CCDC150: variants seen among roughly 807,000 people sequenced by gnomAD.
The protein encoded by CCDC150 is coiled-coil domain-containing protein 150.
Under a neutral mutation model 156.5 loss-of-function variants are expected in CCDC150, and 151 were observed. The observed-to-expected ratio is 0.97, with a 90% CI of 0.85 to 1.10. The LOEUF is 1.10. Ranked by LOEUF, CCDC150 falls within the 50% of genes least tolerant of loss-of-function variation. The probability of loss-of-function intolerance (pLI) is 0.00; values close to 1 mark genes in which losing one functional copy is unlikely to be tolerated. For synonymous variants in CCDC150, 452 were observed against 429.4 expected (o/e 1.05, Z -0.65); for missense variants, 1,312 against 1,268.1 (o/e 1.03, Z -0.53).
rs759595694 is a variant in CCDC150 at position 196,732,535 on chromosome 2, G to C, written c.3279G>C (p.Lys1093Asn). ...RKQNLRPMPK[K>N]YHSEVQRK is the part of the protein sequence containing the mutation. ...AGAATCTTAGGCCCATGCCCAAGAA[G>C]TATCATTCTGAGGTACAGAGGAAGT... The change falls in exon 28 of 28, where the codon AAG becomes AAC. Residue 1093 changes from lysine to asparagine, a missense_variant. Physicochemically the swap from Lys to Asn is moderately conservative, Grantham distance 94. Coordinates refer to ENST00000389175, the MANE Select transcript of CCDC150 (RefSeq NM_001080539.2). 3 of 1,612,002 alleles carry C rather than the reference G, an allele frequency of 1.9e-6. No individual in the cohort carries two copies. The highest frequency in any genetic ancestry group is 3.3e-5 in the Admixed American group (2 of 60,022).
chr2:196,728,599 C>T (rs1011525424), intron 22 of CCDC150, among the ~76,000 whole-genome samples: 3 of 151,880 alleles, frequency 2.0e-5, no homozygotes, highest in Admixed American at 6.6e-5. Context: ...TCCTTAAGAA[C>T]AAAAAGCAAA....
At position 196,695,163 on chromosome 2, in the gene CCDC150, G is replaced by C. The variant is rs201319317; in HGVS notation, c.1623+4G>C. ...AGTCACTTCTGATTACCATGGGGTG[G>C]GTATAAAAAGATCAGTCTAAATAGC... On this transcript the variant is annotated splice_donor_region_variant and intron_variant, in intron 14 of 27. Transcript: ENST00000389175. 9.8e-6 allele frequency: 15 copies of C among 1,525,936 alleles called. No individual in the cohort carries two copies. The East Asian group carries it at 1.8e-4, about 18-fold the overall frequency. The allele number at this position is 1,525,936 out of a possible 1,614,324, so 94.5% of individuals were successfully genotyped here.
Position 196,643,578 on chromosome 2 carries a change from T to A in CCDC150, c.13-2763T>A, listed in dbSNP as rs78222283. Among the ~76,000 whole-genome samples, 7 of 152,152 alleles carry A rather than the reference T, an allele frequency of 4.6e-5. No individual in the cohort carries two copies. The East Asian group carries it at 1.3e-3, about 29-fold the overall frequency. ...ACATTTGAACAATTACATGAAAAAA[T>A]TTTAGTTGGGAATCTGCATCCTATT... On this transcript the variant is annotated intron_variant, in intron 1 of 27. Transcript: ENST00000389175.
chr2:196,686,723 T>C (rs1695150072), intron 13 of CCDC150, among the ~76,000 whole-genome samples: 1 of 152,060 alleles, frequency 6.6e-6, no homozygotes, highest in Non-Finnish European at 1.5e-5. Context: ...GATTATTTCA[T>C]CACCCAGATA....
At chr2:196,710,243 C>T (rs894203069) in intron 15 of CCDC150, among the ~76,000 whole-genome samples, 6 of 152,192 alleles carry the variant, frequency 3.9e-5, no homozygotes, top group African/African-American at 1.4e-4. Flanking sequence ...CCATGCCAGG[C>T]TGCTGCCTCA....
intron 5 of CCDC150, among the ~76,000 whole-genome samples, chr2:196,663,297 A>G (rs767685327): frequency 9.8e-5 from 15 of 152,294 alleles, no homozygotes; most frequent in Middle Eastern, 3.4e-3. Flanking sequence ...AATGGACAAA[A>G]GATAAGTATG....
At chr2:196,657,575 A>C (rs767971502) in intron 4 of CCDC150, 1 of 165,816 alleles carries the variant, frequency 6.0e-6, no homozygotes, top group African/African-American at 2.4e-5. Flanking sequence ...AGGATGCTCT[A>C]TCTAGAATAG....
At chr2:196,639,924 T>G (rs1239412236) in intron 1 of CCDC150, 146 bp downstream of exon 1, 2 of 719,248 alleles carry the variant, frequency 2.8e-6, no homozygotes, top group African/African-American at 3.6e-5. Flanking sequence ...GGCCCTGATT[T>G]AAGGCGCTTT....
At chr2:196,669,006 T>C (rs1201468207) in intron 7 of CCDC150, among the ~76,000 whole-genome samples, 1 of 152,234 alleles carries the variant, frequency 6.6e-6, no homozygotes, top group South Asian at 2.1e-4. Flanking sequence ...TGAATTTTTC[T>C]GTGAAGGCAA....
chr2:196,713,010 G>T (rs921442192), intron 17 of CCDC150: 7 of 497,042 alleles, frequency 1.4e-5, no homozygotes, highest in Non-Finnish European at 2.5e-5. Flanking sequence ...TGATATTTGT[G>T]TATCTATACC....
chr2:196,730,077 G>A lies in CCDC150; in HGVS notation c.2941G>A (p.Ala981Thr), dbSNP rs1018035963. 3.1e-6 allele frequency: 5 copies of A among 1,612,514 alleles called. No homozygotes were observed. Among genetic ancestry groups the A allele is most frequent in the Non-Finnish European group, 4.2e-6 (5 of 1,179,404 alleles). The change falls in exon 25 of 28, where the codon GCA becomes ACA. Residue 981 changes from alanine to threonine, a missense_variant. Ala to Thr is a moderately conservative substitution (Grantham distance 58). Coordinates refer to ENST00000389175, the MANE Select transcript of CCDC150 (RefSeq NM_001080539.2). ...RNKQQELHLE[A>T]ERKIRQELEN... is the part of the protein sequence containing the mutation. ...TAAACAGCAAGAGCTGCACCTAGAA[G>A]CAGAGCGGAAAATAAGGCAGGAGCT...
intron 2 of CCDC150, among the ~76,000 whole-genome samples, chr2:196,650,614 A>T (rs572597897): frequency 6.6e-6 from 1 of 152,258 alleles, no homozygotes; most frequent in African/African-American, 2.4e-5. Context: ...GGCTGATCTC[A>T]AACTCCTGAC....
intron 17 of CCDC150, chr2:196,713,737 T>C (rs1456626868): frequency 1.5e-6 from 2 of 1,377,052 alleles, no homozygotes; most frequent in African/African-American, 2.9e-5. Flanking sequence ...TATACAAGAA[T>C]GAAATATTAA....
intron 13 of CCDC150, among the ~76,000 whole-genome samples, chr2:196,694,026 T>A (rs1362503003): frequency 2.6e-5 from 4 of 151,618 alleles, no homozygotes; most frequent in Admixed American, 2.6e-4. Flanking sequence ...TATTGCTGGG[T>A]TCATTTTGCT....
chr2:196,675,810 T>C (rs1694460517), intron 10 of CCDC150, among the ~76,000 whole-genome samples: 1 of 152,162 alleles, frequency 6.6e-6, no homozygotes, highest in Non-Finnish European at 1.5e-5. Flanking sequence ...AGTACCATAT[T>C]GAAATTTTAA....
Position 196,701,100 on chromosome 2 carries a change from C to T in CCDC150, c.1624-9C>T. The T allele has an allele frequency of 6.2e-7, 1 of 1,600,080 alleles. No individual in the cohort carries two copies. The highest frequency in any genetic ancestry group is 1.1e-5 in the South Asian group (1 of 88,140). ...CTAGAGGTTCTGATGCCTTTGTTTG[C>T]CTTATCAGCTTGCCCAACAGAAGGT... On this transcript the variant is annotated splice_polypyrimidine_tract_variant and intron_variant, in intron 14 of 27. Coordinates refer to ENST00000389175, the MANE Select transcript of CCDC150 (RefSeq NM_001080539.2).
intron 22 of CCDC150, chr2:196,727,108 G>A (rs559442023): frequency 1.3e-5 from 2 of 152,050 alleles, no homozygotes; most frequent in African/African-American, 2.4e-5. Context: ...CATTTTAATA[G>A]AAAAAAAATC....
At chr2:196,671,437 T>TC (rs909154197) in intron 8 of CCDC150, among the ~76,000 whole-genome samples, 1 of 146,046 alleles carries the variant, frequency 6.8e-6, no homozygotes. Flanking sequence ...CTTTTTTTTT[T>TC]TTTTTTTTTT....
At chr2:196,673,909 G>C (rs1183391043) in intron 9 of CCDC150, among the ~76,000 whole-genome samples, 1 of 152,050 alleles carries the variant, frequency 6.6e-6, no homozygotes, top group Non-Finnish European at 1.5e-5. Context: ...TATAATATTG[G>C]CTAGGTACTG....
Sources: gnomAD v4.1 joint callset for allele counts (sites outside exome capture counted in the v4.1 genomes callset) on GRCh38, gnomAD v4.1.1 for gene constraint, MANE v1.5 for transcripts, NCBI Gene and HGNC (gene_info 2026-07-23, HGNC 2026-07-21) for gene names.